Variants in ENOSF1 observed in about 807,000 individuals in gnomAD.
The protein encoded by ENOSF1 is mitochondrial enolase superfamily member 1.
A neutral mutation model predicts 68.2 loss-of-function variants in ENOSF1; 73 were observed. The ratio of observed to expected loss-of-function variants is 1.07; its 90% confidence interval spans 0.89 to 1.30. The LOEUF is 1.30. Ranked by LOEUF, ENOSF1 falls within the 50% of genes most tolerant of loss-of-function variation. ENOSF1 has a pLI of 0.00. For missense variants in ENOSF1, 589 were observed against 554.5 expected (o/e 1.06, Z -0.62); for synonymous variants, 223 against 210.4 (o/e 1.06, Z -0.52).
chr18:683,700 T>C (rs1257803807), intron 10 of ENOSF1, among the ~76,000 whole-genome samples: 1 of 152,144 alleles, frequency 6.6e-6, no homozygotes, highest in Non-Finnish European at 1.5e-5. Context: ...TCCATCTAGA[T>C]GCCACCCAAA....
chr18:700,890 C>CA (rs71174273), intron 2 of ENOSF1, among the ~76,000 whole-genome samples: 15,302 of 64,618 alleles, frequency 0.24, 1,993 homozygotes, highest in Non-Finnish European at 0.25. Flanking sequence ...AACTCTGCCT[C>CA]AAAAAAAAAA....
At chr18:701,847 G>A (rs943864062) in intron 2 of ENOSF1, among the ~76,000 whole-genome samples, 8 of 151,312 alleles carry the variant, frequency 5.3e-5, no homozygotes, top group Non-Finnish European at 1.0e-4. Context: ...TTGAACCTAG[G>A]AGGCAGAGGT....
Position 683,339 on chromosome 18 carries a change from C to T in ENOSF1, c.783G>A (p.Val261=). 1 of 1,614,192 alleles carries T rather than the reference C, an allele frequency of 6.2e-7. No homozygotes were observed. The highest frequency in any genetic ancestry group is 1.3e-5 in the African/African-American group (1 of 75,062). Residue 261 remains valine, a synonymous_variant, in exon 11 of 16, where the codon GTG becomes GTA. Coordinates refer to ENST00000647584, the MANE Select transcript of ENOSF1 (RefSeq NM_017512.7). ...ACTTGGCCAGCTTGGACATCCACTCCACCGCCTCAGGCACATCCCAGCGCT... is the reference window on the plus strand; with the variant it reads ...ACTTGGCCAGCTTGGACATCCACTCTACCGCCTCAGGCACATCCCAGCGCT... The part of the protein sequence containing the change: ...ANQRWDVPEA[V]EWMSKLAKFK...
rs2079720186 is a variant in ENOSF1 at position 712,538 on chromosome 18, G to A, written c.50C>T (p.Pro17Leu). The A allele has an allele frequency of 6.5e-7, 1 of 1,540,084 alleles. No individual in the cohort carries two copies. The highest frequency in any genetic ancestry group is 2.4e-5 in the East Asian group (1 of 40,880). Residue 17 changes from proline (P) to leucine (L), a missense_variant, in exon 1 of 16, where the codon CCC becomes CTC. By Grantham distance (98) the Pro-to-Leu change is moderately conservative (BLOSUM62 -3). Coordinates refer to ENST00000647584, the MANE Select transcript of ENOSF1 (RefSeq NM_017512.7). ...CGCGCCGTGGCCCCCAAGCGACGTG[G>A]GGAAGCGCACGTCCCGGACCGAGAG... ...SRLSVRDVRF[P>L]TSLGGHGADA...
chr18:667,005 TGATGGTGATGGAGATGGA>T (rs1567989782), downstream of ENOSF1, among the ~76,000 whole-genome samples: 360 of 4,924 alleles, frequency 0.073, 43 homozygotes, highest in Middle Eastern at 0.17. Flanking sequence ...ATGGAGATGG[TGATGGTGATGGAGATGGA>T]GATGGTGATG....
chr18:699,182 C>T (rs1207483380), intron 2 of ENOSF1, among the ~76,000 whole-genome samples: 1 of 152,134 alleles, frequency 6.6e-6, no homozygotes, highest in East Asian at 1.9e-4. Flanking sequence ...GAAAGGATTT[C>T]TTGGACCTGG....
Position 690,126 on chromosome 18 carries a change from T to A in ENOSF1, c.618+423A>T, listed in dbSNP as rs575659094. Among the ~76,000 whole-genome samples, 233 of 152,194 alleles carry A rather than the reference T, an allele frequency of 1.5e-3. 1 individual carries two copies. The highest frequency in any genetic ancestry group is 2.9e-3 in the Non-Finnish European group (195 of 68,034). Reference sequence around the variant, plus strand: ...TCAGTTTGGCTGTTCTTAAGTTGCATCCTTTATAATAAATGAGTAAACATA... The same window carrying A: ...TCAGTTTGGCTGTTCTTAAGTTGCAACCTTTATAATAAATGAGTAAACATA... On this transcript the variant is annotated intron_variant, in intron 8 of 15. Transcript: ENST00000647584.
intron 12 of ENOSF1, 152 bp from the exon 13 acceptor site, chr18:678,024 C>T: frequency 1.1e-6 from 1 of 899,362 alleles, no homozygotes; most frequent in Non-Finnish European, 1.6e-6. Context: ...TCTCGCTGGG[C>T]ATGAGGCGAG....
At chr18:690,490 GA>G in intron 8 of ENOSF1, 58 bp downstream of exon 8, 1 of 1,594,092 alleles carries the variant, frequency 6.3e-7, no homozygotes, top group Non-Finnish European at 8.6e-7. Context: ...AGGACAGAAG[GA>G]AAAACAGGTT....
At chr18:711,974 G>A (rs2079600632) in intron 1 of ENOSF1, among the ~76,000 whole-genome samples, 5 of 152,150 alleles carry the variant, frequency 3.3e-5, no homozygotes, top group South Asian at 2.1e-4. Flanking sequence ...CCCAGCCCCG[G>A]GCTTCCCGTT....
chr18:673,116 C>T lies in ENOSF1; in HGVS notation c.*1189G>A, dbSNP rs2075142314. The T allele has an allele frequency of 8.9e-7, 1 of 1,118,460 alleles. No individual in the cohort carries two copies. Among genetic ancestry groups the T allele is most frequent in the African/African-American group, 1.5e-5 (1 of 64,886 alleles). The allele number at this position is 1,118,460 out of a possible 1,614,324, so 69.3% of individuals were successfully genotyped here. A position where few individuals can be genotyped will look rare whatever the true frequency, so the allele number is the denominator to read the frequency against. ...AACTAGGTCAAAAATCTGTCCGTGA[C>T]CTATCAGTTATTAATTTTTAAGGAT... On this transcript the variant is annotated 3_prime_UTR_variant, in exon 16 of 16. Coordinates refer to ENST00000647584, the MANE Select transcript of ENOSF1 (RefSeq NM_017512.7).
rs2075703856 is a variant in ENOSF1 at position 678,174 on chromosome 18, G to A, written c.919-302C>T. 9.3e-6 allele frequency: 3 copies of A among 321,514 alleles called. No homozygotes were observed. The South Asian group carries it at 1.0e-4, about 11-fold the overall frequency. The allele number at this position is 321,514 out of a possible 1,614,324, so 19.9% of individuals were successfully genotyped here. A position where few individuals can be genotyped will look rare whatever the true frequency, so the allele number is the denominator to read the frequency against. ...CAGCGACTGATAAGTGGGAGATGAA[G>A]CATCAGGATGAAATACGGTGACAGT... On this transcript the variant is annotated intron_variant, in intron 12 of 15. Transcript: ENST00000647584.
Position 670,655 on chromosome 18 carries a change from C to T in ENOSF1, c.*3650G>A, listed in dbSNP as rs763396300. 6 of 1,606,264 alleles carry T rather than the reference C, an allele frequency of 3.7e-6. No homozygotes were observed. Among genetic ancestry groups the T allele is most frequent in the Non-Finnish European group, 5.1e-6 (6 of 1,175,276 alleles). On this transcript the variant is annotated 3_prime_UTR_variant, in exon 16 of 16. Coordinates refer to ENST00000647584, the MANE Select transcript of ENOSF1 (RefSeq NM_017512.7). ...TGCCTTTAGCTGTGGTCTTTCAAAC[C>T]ACCATCCCTCCTTATCTTCCTCTGC...
chr18:674,654 G>A (rs1319986633), intron 15 of ENOSF1, among the ~76,000 whole-genome samples: 3 of 152,130 alleles, frequency 2.0e-5, no homozygotes, highest in African/African-American at 7.2e-5. Context: ...ATGTAGCTGG[G>A]ATCACAGGCA....
At chr18:665,161 G>C in the ENOSF1 span, among the ~76,000 whole-genome samples, 1 of 150,170 alleles carries the variant, frequency 6.7e-6, no homozygotes, top group African/African-American at 2.5e-5. Flanking sequence ...ACTCTTTTTG[G>C]TTGGTAAGCT....
chr18:687,498 G>A (rs1247678108), intron 9 of ENOSF1: 1 of 152,224 alleles, frequency 6.6e-6, no homozygotes, highest in Non-Finnish European at 1.5e-5. Context: ...TGAGTAGCAG[G>A]AGGCTCAGAG....
chr18:692,952 C>A, intron 5 of ENOSF1: 1 of 1,167,654 alleles, frequency 8.6e-7, no homozygotes, highest in Non-Finnish European at 1.1e-6. Context: ...AATTTTTTGC[C>A]AACTAATAAC....
In ENOSF1 at chr18:693,922, A is replaced by G; in HGVS notation, c.397-14T>C. 1 of 1,614,020 alleles carries G rather than the reference A, an allele frequency of 6.2e-7. No individual in the cohort carries two copies. Among genetic ancestry groups the G allele is most frequent in the Non-Finnish European group, 8.5e-7 (1 of 1,179,982 alleles). The stretch of plus-strand genomic sequence containing the variant: ...CTTCCAGACAGGCTTGAAGTAAAAA[A>G]GAAAGGATTTGTAAGACATATGTGT... On this transcript the variant is annotated splice_polypyrimidine_tract_variant and intron_variant, in intron 4 of 15. Coordinates refer to ENST00000647584, the MANE Select transcript of ENOSF1 (RefSeq NM_017512.7).
chr18:673,710 G>GTTTTTTTTTT lies in ENOSF1; in HGVS notation c.*585_*594dup, dbSNP rs10610259. 7.2e-6 allele frequency: 1 copy of GTTTTTTTTTT among 138,704 alleles called. No homozygotes were observed. The allele number at this position is 138,704 out of a possible 1,614,324, so 8.6% of individuals were successfully genotyped here. A position where few individuals can be genotyped will look rare whatever the true frequency, so the allele number is the denominator to read the frequency against. On this transcript the variant is annotated 3_prime_UTR_variant, in exon 16 of 16. Transcript: ENST00000647584. ...AAATATAATGACCATTTAGGATAGAGTTTTTTTTTTTTTTTTTTAAACTTT... is the reference window on the plus strand; with the variant it reads ...AAATATAATGACCATTTAGGATAGAGTTTTTTTTTTTTTTTTTTTTTTTTTTTTAAACTTT...
Sources: gnomAD v4.1 joint callset for allele counts (sites outside exome capture counted in the v4.1 genomes callset) on GRCh38, gnomAD v4.1.1 for gene constraint, MANE v1.5 for transcripts, NCBI Gene and HGNC (gene_info 2026-07-23, HGNC 2026-07-21) for gene names.